The following SFI1 variants were observed in gnomAD, a reference collection of about 807,000 sequenced individuals.
SFI1 encodes the protein protein SFI1 homolog.
A neutral mutation model predicts 207.5 loss-of-function variants in SFI1; 195 were observed. That is an observed-to-expected ratio of 0.94 (90% CI 0.84 to 1.06). The LOEUF is 1.06. Among genes scored for constraint, SFI1 ranks in the 50% least tolerant of loss-of-function variants. SFI1 has a pLI of 0.00. For missense variants in SFI1, 1,634 were observed against 1,588.0 expected (o/e 1.03, Z -0.49); for synonymous variants, 630 against 598.9 (o/e 1.05, Z -0.76).
chr22:31,511,471 T>G (rs955478003), intron 2 of SFI1, among the ~76,000 whole-genome samples: 2 of 47,748 alleles, frequency 4.2e-5, no homozygotes, highest in African/African-American at 1.5e-4. Flanking sequence ...TCTGTTTTTT[T>G]TTTTTTTTTT....
At chr22:31,508,461 A>G (rs1375120804) in intron 2 of SFI1, 85 bp downstream of exon 2, 3 of 996,696 alleles carry the variant, frequency 3.0e-6, no homozygotes, top group Non-Finnish European at 1.5e-6. Flanking sequence ...AAAATTATAA[A>G]TTATGAGTGA....
At chr22:31,609,112 C>T (rs1232754822) in intron 22 of SFI1, among the ~76,000 whole-genome samples, 1 of 152,092 alleles carries the variant, frequency 6.6e-6, no homozygotes, top group Admixed American at 6.5e-5. Flanking sequence ...GAATCTCCTG[C>T]CTCAGCCTCC....
Position 31,532,218 on chromosome 22 carries a change from A to C in SFI1, c.338+1089A>C, listed in dbSNP as rs1426252791. 2.0e-5 allele frequency among the ~76,000 whole-genome samples: 3 copies of C among 152,354 alleles called. No homozygotes were observed. The East Asian group carries it at 5.8e-4, about 29-fold the overall frequency. ...CTGACAGATTGGCTTGATCAAGTGC[A>C]GAACCTGGGGGAAAAAATTGGCTTT... On this transcript the variant is annotated intron_variant, in intron 4 of 32. Coordinates refer to ENST00000400288, the MANE Select transcript of SFI1 (RefSeq NM_001007467.3).
intron 18 of SFI1, among the ~76,000 whole-genome samples, 158 bp downstream of exon 18, chr22:31,603,977 T>C (rs545999903): frequency 6.6e-6 from 1 of 152,344 alleles, no homozygotes; most frequent in Admixed American, 6.5e-5. Context: ...TTTTATGAGC[T>C]GATTTGGCTC....
At position 31,615,066 on chromosome 22, in the gene SFI1, ACATGG is replaced by A. The variant is rs770509400; in HGVS notation, c.3089_3093del (p.His1030ProfsTer78). 4.9e-5 allele frequency: 79 copies of A among 1,610,686 alleles called. No homozygotes were observed. Among genetic ancestry groups the A allele is most frequent in the Non-Finnish European group, 6.5e-5 (77 of 1,178,946 alleles). On this transcript the variant is annotated frameshift_variant, in exon 29 of 33. Transcript: ENST00000400288. LOFTEE classifies it high-confidence loss of function. ...TGCTCAGGCCTCAGAAGCCACAGGA[ACATGG>A]CCTAGGCATGGCTCAGCCAGCAGCC...
At chr22:31,517,978 C>A (rs889506495) in intron 2 of SFI1, among the ~76,000 whole-genome samples, 4 of 152,038 alleles carry the variant, frequency 2.6e-5, no homozygotes, top group Admixed American at 1.3e-4. Context: ...AAAATAGAAT[C>A]TATTGTTGTT....
chr22:31,617,591 C>G (rs1451164139), intron 31 of SFI1, among the ~76,000 whole-genome samples: 1 of 151,992 alleles, frequency 6.6e-6, no homozygotes, highest in Non-Finnish European at 1.5e-5. Flanking sequence ...CATGGTGGTG[C>G]ACGCATGTAG....
intron 27 of SFI1, 25 bp from the exon 28 acceptor site, chr22:31,614,764 G>A (rs1281088642): frequency 8.1e-6 from 13 of 1,613,376 alleles, no homozygotes; most frequent in Non-Finnish European, 1.1e-5. Context: ...CAGCCCAGGG[G>A]AACAGACCCC....
intron 15 of SFI1, among the ~76,000 whole-genome samples, chr22:31,598,204 C>T (rs1015719349): frequency 2.6e-5 from 4 of 151,724 alleles, no homozygotes; most frequent in African/African-American, 9.7e-5. Flanking sequence ...CCAGAATGGT[C>T]TGGATCTCCT....
rs770737464 is a variant in SFI1, at chr22:31,573,215, G to A, written c.922+1G>A. ...CGCAGAGTGAAGAGACAGCAGAATG[G>A]TGAGTAGGAAGCTCCAGGCTCTCGA... On this transcript the variant is annotated splice_donor_variant, in intron 9 of 32. Coordinates refer to ENST00000400288, the MANE Select transcript of SFI1 (RefSeq NM_001007467.3). LOFTEE classifies it high-confidence loss of function. The A allele has an allele frequency of 2.5e-6, 4 of 1,613,548 alleles. No individual in the cohort carries two copies. The South Asian group carries it at 4.4e-5, about 18-fold the overall frequency.
chr22:31,500,704 G>A (rs578108485), intron 1 of SFI1, among the ~76,000 whole-genome samples: 5 of 152,100 alleles, frequency 3.3e-5, no homozygotes, highest in Admixed American at 6.6e-5. Flanking sequence ...TGATTCTCCC[G>A]CCTGGGCCTC....
intron 4 of SFI1, among the ~76,000 whole-genome samples, chr22:31,533,585 A>C (rs2058717890): frequency 6.6e-6 from 1 of 152,068 alleles, no homozygotes; most frequent in Non-Finnish European, 1.5e-5. Flanking sequence ...AAACAAAAAA[A>C]AAAAGAAACA....
chr22:31,501,325 C>T (rs2053736118), intron 1 of SFI1, among the ~76,000 whole-genome samples: 1 of 151,846 alleles, frequency 6.6e-6, no homozygotes, highest in Non-Finnish European at 1.5e-5. Context: ...GCGCCCGCCA[C>T]CACGCCCGGC....
In SFI1 at chr22:31,618,553, T is replaced by C; in HGVS notation, c.*135T>C. 1 of 892,584 alleles carries C rather than the reference T, an allele frequency of 1.1e-6. No homozygotes were observed. Among genetic ancestry groups the C allele is most frequent in the Non-Finnish European group, 1.6e-6 (1 of 637,080 alleles). The allele number at this position is 892,584 out of a possible 1,614,324, so 55.3% of individuals were successfully genotyped here. On this transcript the variant is annotated 3_prime_UTR_variant, in exon 33 of 33. Transcript: ENST00000400288. Reference sequence around the variant, plus strand: ...AATTAAATGAATTACTGTTCAGAAGTCTCCCACTTTTCATACAAAAATACT... The same window carrying C: ...AATTAAATGAATTACTGTTCAGAAGCCTCCCACTTTTCATACAAAAATACT...
intron 8 of SFI1, among the ~76,000 whole-genome samples, chr22:31,568,191 G>GT (rs1229825232): frequency 0.12 from 9,619 of 81,218 alleles, 472 homozygotes; most frequent in Non-Finnish European, 0.17. Context: ...GTGTGTGTGT[G>GT]TGTTGTGTGT....
rs370047245 is a variant in SFI1 at position 31,611,320 on chromosome 22, C to T, written c.2415+17C>T. On this transcript the variant is annotated intron_variant, in intron 23 of 32. Transcript: ENST00000400288. ...AGGAAGAGGGTGAGGCTGACGGTGG[C>T]AACTCTCCAAGTTCTGCCTGCCTGG... 231 of 1,573,478 alleles carry T rather than the reference C, an allele frequency of 1.5e-4. No homozygotes were observed. Among genetic ancestry groups the T allele is most frequent in the Admixed American group, 3.7e-4 (21 of 56,750 alleles).
chr22:31,521,305 T>C (rs971920772), intron 2 of SFI1: 1 of 183,386 alleles, frequency 5.5e-6, no homozygotes, highest in African/African-American at 2.6e-5. Flanking sequence ...CAATTCTTCT[T>C]CTTCACTAAT....
intron 14 of SFI1, among the ~76,000 whole-genome samples, chr22:31,586,798 A>G (rs1316199733): frequency 6.6e-6 from 1 of 152,118 alleles, no homozygotes; most frequent in African/African-American, 2.4e-5. Context: ...GGGGCCCAAC[A>G]CTGGCGGACA....
intron 6 of SFI1, among the ~76,000 whole-genome samples, chr22:31,553,838 G>T (rs11912035): frequency 0.084 from 2,211 of 26,272 alleles, 84 homozygotes; most frequent in African/African-American, 0.21. Context: ...AATGGATTAT[G>T]TTTTTTTTTT....
Sources: gnomAD v4.1 joint callset for allele counts (sites outside exome capture counted in the v4.1 genomes callset) on GRCh38, gnomAD v4.1.1 for gene constraint, MANE v1.5 for transcripts, NCBI Gene and HGNC (gene_info 2026-07-23, HGNC 2026-07-21) for gene names.